CADM2: variants seen among roughly 807,000 people sequenced by gnomAD.
CADM2 encodes the protein immunoglobulin superfamily member 4D.
A neutral mutation model predicts 49.8 loss-of-function variants in CADM2; 12 were observed. The observed-to-expected ratio is 0.24, with a 90% CI of 0.15 to 0.39. The LOEUF (loss-of-function observed/expected upper bound fraction) is 0.39, where lower values mean the gene tolerates loss of function less well. Ranked by LOEUF, CADM2 falls within the 10% of genes least tolerant of loss-of-function variation. The pLI, the probability that CADM2 is intolerant of heterozygous loss-of-function variation, is 1.00. For missense variants in CADM2, 378 were observed against 492.3 expected (o/e 0.77, Z 2.20); for synonymous variants, 214 against 175.4 (o/e 1.22, Z -1.74).
intron 1 of CADM2, among the ~76,000 whole-genome samples, chr3:85,417,664 C>T (rs1212890158): frequency 2.0e-5 from 3 of 152,028 alleles, no homozygotes; most frequent in Non-Finnish European, 4.4e-5. Flanking sequence ...AGAAAGATGA[C>T]CTGGTTATTA....
intron 1 of CADM2, among the ~76,000 whole-genome samples, chr3:85,648,186 G>A (rs2064944071): frequency 6.6e-6 from 1 of 151,778 alleles, no homozygotes; most frequent in South Asian, 2.1e-4. Flanking sequence ...CTTCCAATTA[G>A]TTTCATTGAT....
intron 1 of CADM2, among the ~76,000 whole-genome samples, chr3:85,185,756 A>C (rs751669631): frequency 6.6e-6 from 1 of 152,184 alleles, no homozygotes; most frequent in Non-Finnish European, 1.5e-5. Flanking sequence ...TGTGAACTGC[A>C]CTTAAGGACC....
intron 1 of CADM2, among the ~76,000 whole-genome samples, chr3:85,213,886 A>G (rs1029978748): frequency 6.6e-6 from 1 of 152,090 alleles, no homozygotes; most frequent in Non-Finnish European, 1.5e-5. Flanking sequence ...TGTCACTTGC[A>G]TGTTCAACTC....
chr3:85,275,507 T>C (rs888439054), intron 1 of CADM2, among the ~76,000 whole-genome samples: 9 of 151,586 alleles, frequency 5.9e-5, no homozygotes, highest in African/African-American at 2.2e-4. Context: ...ATATATGATT[T>C]ATCTATCATT....
chr3:85,921,497 A>C (rs11715949), intron 6 of CADM2, among the ~76,000 whole-genome samples: 100,522 of 151,764 alleles, frequency 0.66, 33,913 homozygotes, highest in African/African-American at 0.79. Context: ...AATATACTTT[A>C]TTTTTAAGAG....
intron 1 of CADM2, among the ~76,000 whole-genome samples, chr3:85,402,837 C>G (rs907514594): frequency 6.6e-5 from 10 of 152,108 alleles, no homozygotes; most frequent in African/African-American, 2.4e-4. Flanking sequence ...AGGACAAGAA[C>G]TTTGGGGAAA....
At position 86,011,333 on chromosome 3, in the gene CADM2, A is replaced by G. The variant is rs529156405; in HGVS notation, c.970+49686A>G. Among the ~76,000 whole-genome samples, 218 of 152,300 alleles carry G rather than the reference A, an allele frequency of 1.4e-3. 3 individuals are homozygous for G. The highest frequency in any genetic ancestry group is 2.6e-3 in the Non-Finnish European group (179 of 67,978). Reference sequence around the variant, plus strand: ...CACTAATTCAAATTTGTTTAATATTAAGAAATCCATCTATATAACTAACCA... The same window carrying G: ...CACTAATTCAAATTTGTTTAATATTGAGAAATCCATCTATATAACTAACCA... On this transcript the variant is annotated intron_variant, in intron 8 of 9. Transcript: ENST00000383699.
At position 86,068,352 on chromosome 3, in the gene CADM2, A is replaced by T. The variant is rs541009687; in HGVS notation, c.*1569A>T. On this transcript the variant is annotated 3_prime_UTR_variant, in exon 10 of 10. Coordinates refer to ENST00000383699, the MANE Select transcript of CADM2 (RefSeq NM_001167675.2). ...TGTTAGATTAGTTCTCATTAAATTT[A>T]TTATATGCTAAAGAATAAAACTCCA... 6.6e-6 allele frequency: 1 copy of T among 152,100 alleles called. No individual in the cohort carries two copies. The highest frequency in any genetic ancestry group is 2.4e-5 in the African/African-American group (1 of 41,572). 9.4% of individuals were successfully genotyped at this position (152,100 alleles called of 1,614,324 possible).
intron 6 of CADM2, among the ~76,000 whole-genome samples, chr3:85,920,454 G>C (rs1718951947): frequency 6.6e-6 from 1 of 151,758 alleles, no homozygotes; most frequent in Admixed American, 6.6e-5. Context: ...TACTGAAATG[G>C]TATATATGCT....
chr3:85,122,987 A>G (rs1003492013), intron 1 of CADM2, among the ~76,000 whole-genome samples: 8 of 152,132 alleles, frequency 5.3e-5, no homozygotes, highest in African/African-American at 1.2e-4. Flanking sequence ...ATTTGACACA[A>G]TAATATGACA....
chr3:85,881,930 T>C (rs1404857588), intron 3 of CADM2, among the ~76,000 whole-genome samples: 1 of 152,106 alleles, frequency 6.6e-6, no homozygotes, highest in Non-Finnish European at 1.5e-5. Flanking sequence ...GAGTTCACAA[T>C]AGGGTTCACT....
intron 1 of CADM2, among the ~76,000 whole-genome samples, chr3:85,524,078 C>A (rs1423723314): frequency 6.6e-6 from 1 of 152,078 alleles, no homozygotes; most frequent in Non-Finnish European, 1.5e-5. Context: ...AGGAGCTCTA[C>A]CTGTAATCAA....
At position 85,354,473 on chromosome 3, in the gene CADM2, T is replaced by A. The variant is rs574903291; in HGVS notation, c.62-372049T>A. ...ACATATGTAACAAACCTGCACATTG[T>A]GCACATGTACCCTAAAACTTAAAGT... On this transcript the variant is annotated intron_variant, in intron 1 of 9. Transcript: ENST00000383699. Among the ~76,000 whole-genome samples the A allele has an allele frequency of 3.3e-5, 5 of 151,822 alleles. No individual in the cohort carries two copies. In the South Asian group the frequency reaches 1.0e-3, roughly 32 times the overall value.
intron 8 of CADM2, among the ~76,000 whole-genome samples, chr3:86,057,299 T>C (rs1164240111): frequency 1.3e-5 from 2 of 152,108 alleles, no homozygotes; most frequent in Non-Finnish European, 2.9e-5. Flanking sequence ...TCTTTTTAAA[T>C]AGGGGGAAGT....
intron 1 of CADM2, among the ~76,000 whole-genome samples, chr3:85,202,078 GA>G (rs57243426): frequency 0.48 from 38,274 of 79,484 alleles, 6,828 homozygotes; most frequent in Admixed American, 0.55. Context: ...GACTCTGTCT[GA>G]AAAAAAAAAA....
intron 1 of CADM2, among the ~76,000 whole-genome samples, chr3:85,639,034 A>G (rs2107545567): frequency 6.6e-6 from 1 of 152,332 alleles, no homozygotes; most frequent in African/African-American, 2.4e-5. Flanking sequence ...AAGAGTAAAT[A>G]CGAACCAAAA....
At chr3:85,811,392 T>TTA (rs2072868677) in intron 3 of CADM2, among the ~76,000 whole-genome samples, 1 of 152,210 alleles carries the variant, frequency 6.6e-6, no homozygotes, top group African/African-American at 2.4e-5. Flanking sequence ...AGTTTTATTC[T>TTA]ACCTTCTAAT....
At chr3:85,819,424 A>G (rs1373677828) in intron 3 of CADM2, among the ~76,000 whole-genome samples, 3 of 152,176 alleles carry the variant, frequency 2.0e-5, no homozygotes, top group Admixed American at 6.6e-5. Flanking sequence ...CACAGAATAT[A>G]TATGAAAAGT....
At chr3:85,899,797 T>C (rs1311337617) in intron 5 of CADM2, among the ~76,000 whole-genome samples, 2 of 152,176 alleles carry the variant, frequency 1.3e-5, no homozygotes, top group Non-Finnish European at 2.9e-5. Context: ...CCATTTACGG[T>C]CCTGTTTGAA....
Sources: allele counts gnomAD v4.1 joint callset (sites outside exome capture counted in the v4.1 genomes callset), GRCh38; gene constraint gnomAD v4.1.1; transcripts MANE v1.5; gene names NCBI Gene and HGNC (gene_info 2026-07-23, HGNC 2026-07-21).